The following EPHA5 variants were observed in gnomAD, a reference collection of about 807,000 sequenced individuals.
EPHA5 encodes the protein ephrin type-A receptor 5.
A neutral mutation model predicts 105.0 loss-of-function variants in EPHA5; 60 were observed. That is an observed-to-expected ratio of 0.57 (90% CI 0.46 to 0.71). The LOEUF (loss-of-function observed/expected upper bound fraction) is 0.71, where lower values mean the gene tolerates loss of function less well. EPHA5 is among the 30% of genes least tolerant of loss of function. The probability of loss-of-function intolerance (pLI) is 0.00; values close to 1 mark genes in which losing one functional copy is unlikely to be tolerated. For missense variants in EPHA5, 1,218 were observed against 1,274.7 expected, an observed-to-expected ratio of 0.96 and a Z score of 0.68; for synonymous variants, 513 against 449.1, an observed-to-expected ratio of 1.14 and a Z score of -1.80.
intron 8 of EPHA5, among the ~76,000 whole-genome samples, chr4:65,387,714 T>C (rs1421089954): frequency 6.6e-6 from 1 of 151,870 alleles, no homozygotes; most frequent in African/African-American, 2.4e-5. Context: ...AACAAATCAT[T>C]AAGAGGTTCC....
At chr4:65,483,518 A>G (rs1578221348) in intron 5 of EPHA5, among the ~76,000 whole-genome samples, 1 of 152,110 alleles carries the variant, frequency 6.6e-6, no homozygotes, top group East Asian at 1.9e-4. Context: ...CCTCTCCAGC[A>G]CCTGTTGTTA....
rs1267316859 is a variant in EPHA5 at position 65,320,437 on chromosome 4, ACTT to A, written c.*3674_*3676del. The A allele has an allele frequency of 4.4e-6, 1 of 229,264 alleles. No homozygotes were observed. The highest frequency in any genetic ancestry group is 2.2e-5 in the African/African-American group (1 of 44,732). The allele number at this position is 229,264 out of a possible 1,614,324, so 14.2% of individuals were successfully genotyped here. ...ATTAGCAAAGACAGTTTACTATCAC[ACTT>A]CTTTTTTTTCTTATTTTTAGGAAAA... On this transcript the variant is annotated 3_prime_UTR_variant, in exon 17 of 17. Transcript: ENST00000613740.
At chr4:65,528,326 T>C (rs1735437336) in intron 3 of EPHA5, among the ~76,000 whole-genome samples, 1 of 152,030 alleles carries the variant, frequency 6.6e-6, no homozygotes, top group African/African-American at 2.4e-5. Context: ...ATAATGTGCC[T>C]TAATTTAAGT....
chr4:65,336,487 G>C (rs1560423753), intron 14 of EPHA5, among the ~76,000 whole-genome samples: 1 of 151,946 alleles, frequency 6.6e-6, no homozygotes, highest in Non-Finnish European at 1.5e-5. Flanking sequence ...AAATTTTCTA[G>C]TGATTTTTCT....
intron 2 of EPHA5, among the ~76,000 whole-genome samples, chr4:65,620,693 G>A (rs1745635656): frequency 6.6e-6 from 1 of 152,134 alleles, no homozygotes; most frequent in Non-Finnish European, 1.5e-5. Context: ...TTATTGTTGT[G>A]AAATAAAGGC....
At chr4:65,433,072 A>C (rs1215506270) in intron 5 of EPHA5, among the ~76,000 whole-genome samples, 5 of 152,144 alleles carry the variant, frequency 3.3e-5, no homozygotes, top group Non-Finnish European at 5.9e-5. Context: ...TCGCTAATGC[A>C]AAACATTACA....
intron 3 of EPHA5, among the ~76,000 whole-genome samples, chr4:65,556,325 C>T (rs1738437640): frequency 6.6e-6 from 1 of 152,154 alleles, no homozygotes; most frequent in African/African-American, 2.4e-5. Flanking sequence ...GGGCAATTCA[C>T]CCTCTCACTA....
At chr4:65,335,047 T>C (rs972557831) in intron 15 of EPHA5, among the ~76,000 whole-genome samples, 31 of 152,016 alleles carry the variant, frequency 2.0e-4, no homozygotes, top group Admixed American at 5.3e-4. Flanking sequence ...TGACTTTCCA[T>C]CTAGTAAACA....
chr4:65,597,361 C>T (rs1743289532), intron 3 of EPHA5, among the ~76,000 whole-genome samples: 1 of 151,984 alleles, frequency 6.6e-6, no homozygotes, highest in African/African-American at 2.4e-5. Context: ...CAGCAGGCAA[C>T]ATTTGATTCA....
intron 9 of EPHA5, among the ~76,000 whole-genome samples, chr4:65,366,845 T>C (rs1447228172): frequency 1.3e-5 from 2 of 151,754 alleles, no homozygotes; most frequent in Non-Finnish European, 2.9e-5. Flanking sequence ...GGCTAGTTGT[T>C]CAAATTCTTT....
chr4:65,433,583 C>A (rs934562709), intron 5 of EPHA5, among the ~76,000 whole-genome samples: 11 of 152,268 alleles, frequency 7.2e-5, no homozygotes, highest in Admixed American at 2.0e-4. Flanking sequence ...AAATTACCAA[C>A]AAAGTAGTGG....
intron 10 of EPHA5, 99 bp from the exon 11 acceptor site, chr4:65,365,301 A>C: frequency 1.5e-6 from 1 of 673,580 alleles, no homozygotes; most frequent in South Asian, 2.2e-5. Context: ...AGATGAAAAA[A>C]CAAACAAACA....
intron 3 of EPHA5, among the ~76,000 whole-genome samples, chr4:65,551,751 G>A: frequency 6.6e-6 from 1 of 152,072 alleles, no homozygotes; most frequent in East Asian, 1.9e-4. Context: ...GTTTACTCAT[G>A]TGTTACACCA....
At chr4:65,517,315 G>C (rs914762000) in intron 3 of EPHA5, among the ~76,000 whole-genome samples, 2 of 149,112 alleles carry the variant, frequency 1.3e-5, no homozygotes, top group African/African-American at 4.9e-5. Context: ...TTTTTGCTTG[G>C]TATGTTTTTA....
chr4:65,550,225 G>T (rs1024620604), intron 3 of EPHA5, among the ~76,000 whole-genome samples: 1 of 151,844 alleles, frequency 6.6e-6, no homozygotes, highest in Non-Finnish European at 1.5e-5. Flanking sequence ...ATTACATTTA[G>T]GTGTAAGCTA....
In EPHA5 at chr4:65,405,814, C is replaced by T. The variant is rs1352355941; in HGVS notation, c.1688-1335G>A. Among the ~76,000 whole-genome samples, 3 of 152,036 alleles carry T rather than the reference C, an allele frequency of 2.0e-5. No individual in the cohort carries two copies. The East Asian group carries it at 5.8e-4, about 29-fold the overall frequency. ...AAATGAGGTAGGAAAAAACTACCCC[C>T]AGAGTCGCTAGTACCCTTTCCCCAA... On this transcript the variant is annotated intron_variant, in intron 7 of 16. Coordinates refer to ENST00000613740, the MANE Select transcript of EPHA5 (RefSeq NM_001281766.3).
rs1471600295 is a variant in EPHA5 at position 65,454,818 on chromosome 4, C to T, written c.1403-34253G>A. On this transcript the variant is annotated intron_variant, in intron 5 of 16. Transcript: ENST00000613740. Reference sequence around the variant, plus strand: ...CAAACTTTATCCTTTCTTAGTCATGCTGAAGAAATGGGTTATGAATAGCCT... The same window carrying T: ...CAAACTTTATCCTTTCTTAGTCATGTTGAAGAAATGGGTTATGAATAGCCT... 3.3e-5 allele frequency among the ~76,000 whole-genome samples: 5 copies of T among 152,182 alleles called. No homozygotes were observed. In the South Asian group the frequency reaches 1.0e-3, roughly 31 times the overall value.
chr4:65,532,288 T>A (rs1735880860), intron 3 of EPHA5, among the ~76,000 whole-genome samples: 1 of 152,096 alleles, frequency 6.6e-6, no homozygotes, highest in Non-Finnish European at 1.5e-5. Flanking sequence ...CATGAAGTAA[T>A]GAAAGCTTCT....
chr4:65,336,948 C>T (rs1157619458), intron 14 of EPHA5, among the ~76,000 whole-genome samples: 2 of 151,984 alleles, frequency 1.3e-5, no homozygotes, highest in African/African-American at 4.8e-5. Flanking sequence ...GAACATATTT[C>T]TCAATATCTT....
Sources: gnomAD v4.1 joint callset for allele counts (sites outside exome capture counted in the v4.1 genomes callset) on GRCh38, gnomAD v4.1.1 for gene constraint, MANE v1.5 for transcripts, NCBI Gene and HGNC (gene_info 2026-07-23, HGNC 2026-07-21) for gene names.